The following KLF12 variants were observed in gnomAD, a reference collection of about 807,000 sequenced individuals.
KLF12 encodes the protein KLF transcription factor 12.
Under a neutral mutation model 37.8 loss-of-function variants are expected in KLF12, and 9 were observed. That is an observed-to-expected ratio of 0.24 (90% CI 0.14 to 0.42). The LOEUF is 0.42. Among genes scored for constraint, KLF12 ranks in the 10% least tolerant of loss-of-function variants. The probability of loss-of-function intolerance (pLI) is 1.00; values close to 1 mark genes in which losing one functional copy is unlikely to be tolerated. For synonymous variants in KLF12, 208 were observed against 202.1 expected, an observed-to-expected ratio of 1.03 and a Z score of -0.25; for missense variants, 411 against 516.0, an observed-to-expected ratio of 0.80 and a Z score of 1.97.
At chr13:74,101,016 C>A (rs942644444) in intron 1 of KLF12, among the ~76,000 whole-genome samples, 2 of 152,182 alleles carry the variant, frequency 1.3e-5, no homozygotes, top group African/African-American at 2.4e-5. Flanking sequence ...AAGGCCATCA[C>A]CACACCCACC....
intron 5 of KLF12, among the ~76,000 whole-genome samples, chr13:73,785,118 AT>A (rs202165551): frequency 0.31 from 45,541 of 145,710 alleles, 7,325 homozygotes; most frequent in East Asian, 0.55. Flanking sequence ...TAATTATCTA[AT>A]TTTTTTTTTT....
chr13:74,249,201 A>T, the KLF12 span, among the ~76,000 whole-genome samples: 4 of 151,770 alleles, frequency 2.6e-5, no homozygotes, highest in East Asian at 1.9e-4. Flanking sequence ...TCCACTTTAT[A>T]AAAAAAAGCT....
intron 4 of KLF12, among the ~76,000 whole-genome samples, chr13:73,845,555 A>G (rs1884967880): frequency 1.3e-5 from 2 of 152,228 alleles, no homozygotes; most frequent in South Asian, 4.1e-4. Context: ...AGCAAGTATT[A>G]TTTTGCAAAC....
the KLF12 span, among the ~76,000 whole-genome samples, chr13:74,276,905 G>T: frequency 1.3e-5 from 2 of 152,102 alleles, no homozygotes; most frequent in African/African-American, 2.4e-5. Context: ...GTTCTTTCAG[G>T]TCTAGAAAAT....
intron 3 of KLF12, among the ~76,000 whole-genome samples, chr13:73,879,782 A>G (rs1049856635): frequency 2.6e-5 from 4 of 152,210 alleles, no homozygotes; most frequent in Non-Finnish European, 4.4e-5. Context: ...AATAGTGGAC[A>G]TGGAACACCA....
the KLF12 span, among the ~76,000 whole-genome samples, chr13:74,192,150 GC>G: frequency 4.5e-4 from 68 of 152,040 alleles, no homozygotes; most frequent in Non-Finnish European, 5.4e-4. Flanking sequence ...CAAGAGGAGT[GC>G]CTTGACTATT....
chr13:74,220,759 A>T, the KLF12 span, among the ~76,000 whole-genome samples: 4 of 152,198 alleles, frequency 2.6e-5, no homozygotes, highest in Non-Finnish European at 4.4e-5. Flanking sequence ...ATATAAGATC[A>T]TGAGGTATTT....
chr13:74,169,541 G>A, the KLF12 span, among the ~76,000 whole-genome samples: 10 of 152,112 alleles, frequency 6.6e-5, no homozygotes, highest in Non-Finnish European at 1.2e-4. Flanking sequence ...AGAAGCATTC[G>A]GTAAGCTTTT....
chr13:74,197,954 G>A, the KLF12 span, among the ~76,000 whole-genome samples: 1 of 152,158 alleles, frequency 6.6e-6, no homozygotes, highest in East Asian at 1.9e-4. Flanking sequence ...TAGCAACAGA[G>A]TTGAGCCTTT....
intron 6 of KLF12, among the ~76,000 whole-genome samples, chr13:73,737,621 G>C (rs1181122449): frequency 5.3e-5 from 8 of 152,076 alleles, no homozygotes; most frequent in Non-Finnish European, 7.4e-5. Context: ...ATACTAATTA[G>C]AATTTAACTT....
At chr13:74,150,667 C>T in the KLF12 span, among the ~76,000 whole-genome samples, 27 of 152,240 alleles carry the variant, frequency 1.8e-4, no homozygotes, top group Middle Eastern at 3.4e-3. Flanking sequence ...GAATTCCCAG[C>T]GTCAGTATTC....
At chr13:73,874,669 T>C (rs1423360946) in intron 3 of KLF12, among the ~76,000 whole-genome samples, 1 of 152,106 alleles carries the variant, frequency 6.6e-6, no homozygotes, top group African/African-American at 2.4e-5. Context: ...TATACCACCC[T>C]CCACCTTGGC....
At chr13:74,224,411 G>A in the KLF12 span, among the ~76,000 whole-genome samples, 2 of 151,898 alleles carry the variant, frequency 1.3e-5, no homozygotes, top group Non-Finnish European at 2.9e-5. Flanking sequence ...CTTTCTATAT[G>A]GAAAAAATTT....
chr13:74,191,507 G>A, the KLF12 span, among the ~76,000 whole-genome samples: 1 of 152,152 alleles, frequency 6.6e-6, no homozygotes, highest in South Asian at 2.1e-4. Flanking sequence ...TTGCATCTCA[G>A]TGTTCAATGT....
At chr13:73,696,967 G>A (rs779778868) in intron 7 of KLF12, among the ~76,000 whole-genome samples, 2 of 152,002 alleles carry the variant, frequency 1.3e-5, no homozygotes, top group Non-Finnish European at 2.9e-5. Context: ...TCGTTTAGAC[G>A]CCCTTCTGTA....
chr13:74,264,561 T>G, the KLF12 span, among the ~76,000 whole-genome samples: 1 of 152,180 alleles, frequency 6.6e-6, no homozygotes, highest in East Asian at 1.9e-4. Context: ...TCTTTAAGCT[T>G]CCTTAGCCAG....
At chr13:73,718,073 C>T (rs762495328) in intron 6 of KLF12, among the ~76,000 whole-genome samples, 14 of 152,096 alleles carry the variant, frequency 9.2e-5, no homozygotes, top group Non-Finnish European at 1.9e-4. Context: ...TCTATAAGAA[C>T]ACTTTGTTTT....
chr13:74,083,493 G>GACACACACACACAC (rs61312097), intron 1 of KLF12, among the ~76,000 whole-genome samples: 4 of 136,420 alleles, frequency 2.9e-5, no homozygotes, highest in East Asian at 2.2e-4. Context: ...GGCGATAGGA[G>GACACACACACACAC]ACACACACAC....
At chr13:73,758,888 G>A (rs1263707752) in intron 6 of KLF12, among the ~76,000 whole-genome samples, 1 of 152,102 alleles carries the variant, frequency 6.6e-6, no homozygotes, top group African/African-American at 2.4e-5. Context: ...GAGAAGTTAA[G>A]AAAATTAGGC....
Sources: allele counts gnomAD v4.1 joint callset (sites outside exome capture counted in the v4.1 genomes callset), GRCh38; gene constraint gnomAD v4.1.1; transcripts MANE v1.5; gene names NCBI Gene and HGNC (gene_info 2026-07-23, HGNC 2026-07-21).